The following RBFOX1 variants were observed in gnomAD, a reference collection of about 807,000 sequenced individuals.
RBFOX1 encodes the protein RNA binding protein fox-1 homolog 1.
In RBFOX1, 8 loss-of-function variants were observed where a neutral mutation model predicts 57.7. The observed-to-expected ratio is 0.14, with a 90% confidence interval of 0.08 to 0.25. RBFOX1 has a LOEUF of 0.25. RBFOX1 is among the 10% of genes least tolerant of loss of function. The probability of loss-of-function intolerance (pLI) is 1.00; values close to 1 mark genes in which losing one functional copy is unlikely to be tolerated. For synonymous variants in RBFOX1, 326 were observed against 222.4 expected (o/e 1.47, Z -4.15); for missense variants, 611 against 548.5 (o/e 1.11, Z -1.14).
rs2152958287 is a variant in RBFOX1, at chr16:7,597,393, T to C, written c.584T>C (p.Val195Ala). The change falls in exon 9 of 16, where the codon GTA (valine) becomes GCA (alanine). Residue 195 changes from valine to alanine, a missense_variant. Around this residue, in one of 3 missense-constraint regions of RBFOX1, gnomAD observed 99 missense variants for 160.3 expected, o/e 0.62. Transcript: ENST00000550418. Reference protein sequence around the residue: ...KIEVNNATARVMTNKKTVNPY... With the variant: ...KIEVNNATARAMTNKKTVNPY... ...TAGGTAAATAATGCCACAGCACGTG[T>C]AATGACAAATAAAAAGACCGTCAAC... 3 of 1,611,478 alleles carry C rather than the reference T, an allele frequency of 1.9e-6. No individual in the cohort carries two copies. The highest frequency in any genetic ancestry group is 2.5e-6 in the Non-Finnish European group (3 of 1,178,582).
intron 4 of RBFOX1, among the ~76,000 whole-genome samples, chr16:7,237,775 G>A (rs1456791285): frequency 2.0e-5 from 3 of 152,216 alleles, no homozygotes; most frequent in Admixed American, 1.3e-4. Flanking sequence ...GGAGGGTGAG[G>A]CGGACAGATC....
chr16:5,681,913 A>G (rs756426698), intron 3 of RBFOX1, among the ~76,000 whole-genome samples: 1 of 152,176 alleles, frequency 6.6e-6, no homozygotes, highest in Non-Finnish European at 1.5e-5. Flanking sequence ...TGGAAGGAGT[A>G]GAATCTTGAA....
At chr16:7,365,371 C>A (rs1485354187) in intron 4 of RBFOX1, among the ~76,000 whole-genome samples, 1 of 152,130 alleles carries the variant, frequency 6.6e-6, no homozygotes, top group Non-Finnish European at 1.5e-5. Flanking sequence ...TAGTCTCAGT[C>A]CATCCACCAA....
chr16:6,988,227 AT>A (rs1021673730), intron 3 of RBFOX1, among the ~76,000 whole-genome samples: 1 of 152,196 alleles, frequency 6.6e-6, no homozygotes, highest in African/African-American at 2.4e-5. Flanking sequence ...ACAAATTTGC[AT>A]TTTCCTGCTG....
intron 14 of RBFOX1, among the ~76,000 whole-genome samples, chr16:7,701,544 T>G (rs2080735111): frequency 6.6e-6 from 1 of 152,162 alleles, no homozygotes; most frequent in African/African-American, 2.4e-5. Flanking sequence ...CCCTGGTCTG[T>G]GGAAAAACTG....
chr16:5,603,688 A>C (rs1383617881), downstream of RBFOX1, among the ~76,000 whole-genome samples: 1 of 152,154 alleles, frequency 6.6e-6, no homozygotes, highest in East Asian at 1.9e-4. Context: ...AGATGAAGTG[A>C]TTGTGTTGAG....
chr16:6,496,532 A>T (rs1225617779), intron 2 of RBFOX1, among the ~76,000 whole-genome samples: 1 of 152,188 alleles, frequency 6.6e-6, no homozygotes, highest in Non-Finnish European at 1.5e-5. Context: ...ACTTGAACGT[A>T]TCAGTTTAGG....
intron 2 of RBFOX1, among the ~76,000 whole-genome samples, chr16:6,394,929 T>A (rs552873409): frequency 1.1e-4 from 17 of 152,196 alleles, no homozygotes; most frequent in Non-Finnish European, 2.1e-4. Context: ...TAAAACCACT[T>A]TTGCTCTTGT....
At chr16:5,508,728 G>C (rs2043468437) in intron 2 of RBFOX1, among the ~76,000 whole-genome samples, 1 of 152,172 alleles carries the variant, frequency 6.6e-6, no homozygotes, top group African/African-American at 2.4e-5. Flanking sequence ...TGGGGCGGGG[G>C]AGATTGCACA....
At chr16:5,636,762 C>T (rs1464496213) in intron 3 of RBFOX1, among the ~76,000 whole-genome samples, 1 of 152,216 alleles carries the variant, frequency 6.6e-6, no homozygotes, top group East Asian at 1.9e-4. Flanking sequence ...CCTTCCAGAG[C>T]TATTCTTGCT....
intron 3 of RBFOX1, among the ~76,000 whole-genome samples, chr16:6,776,254 A>G (rs2079318379): frequency 6.6e-6 from 1 of 151,942 alleles, no homozygotes; most frequent in East Asian, 1.9e-4. Flanking sequence ...TACTAAAAAT[A>G]CAAAAAATTA....
chr16:6,793,055 A>G (rs1005745506), intron 3 of RBFOX1, among the ~76,000 whole-genome samples: 2 of 151,980 alleles, frequency 1.3e-5, no homozygotes, highest in Non-Finnish European at 2.9e-5. Context: ...AGAAGCGATA[A>G]TGCTGTACAT....
chr16:6,500,477 C>T (rs538416816), intron 2 of RBFOX1, among the ~76,000 whole-genome samples: 2 of 152,198 alleles, frequency 1.3e-5, no homozygotes, highest in South Asian at 2.1e-4. Context: ...AGTACTTGGC[C>T]AAGGGTGAGA....
chr16:6,094,589 G>C (rs1448922367), intron 1 of RBFOX1, among the ~76,000 whole-genome samples: 1 of 152,158 alleles, frequency 6.6e-6, no homozygotes, highest in Non-Finnish European at 1.5e-5. Context: ...GAAGCAGGTA[G>C]GTCATAGATA....
At chr16:6,825,926 C>T (rs1356794148) in intron 3 of RBFOX1, among the ~76,000 whole-genome samples, 1 of 152,152 alleles carries the variant, frequency 6.6e-6, no homozygotes, top group Non-Finnish European at 1.5e-5. Context: ...AAATTCAAAT[C>T]CTGGTTGTAC....
chr16:6,901,498 C>G (rs2068486049), intron 3 of RBFOX1, among the ~76,000 whole-genome samples: 1 of 152,120 alleles, frequency 6.6e-6, no homozygotes, highest in Non-Finnish European at 1.5e-5. Flanking sequence ...TGACTCTCGA[C>G]CTGGAATGAC....
chr16:6,909,942 C>A (rs1366220947), intron 3 of RBFOX1, among the ~76,000 whole-genome samples: 7 of 152,026 alleles, frequency 4.6e-5, no homozygotes, highest in Non-Finnish European at 1.5e-5. Context: ...TAGCAAACTT[C>A]ATGAGCCATT....
chr16:7,467,655 C>G (rs1599154474), intron 4 of RBFOX1, among the ~76,000 whole-genome samples: 1 of 152,170 alleles, frequency 6.6e-6, no homozygotes, highest in African/African-American at 2.4e-5. Context: ...GCTAGGGTGT[C>G]TGAGGATTAA....
At chr16:7,051,977 A>G (rs1030776646) in intron 3 of RBFOX1, 80 bp from the exon 4 acceptor site, 1 of 1,556,744 alleles carries the variant, frequency 6.4e-7, no homozygotes, top group African/African-American at 1.4e-5. Flanking sequence ...TGAGTAATTA[A>G]AAGTAACTTT....
Sources: gnomAD v4.1 joint callset for allele counts (sites outside exome capture counted in the v4.1 genomes callset) on GRCh38, gnomAD v4.1.1 for gene constraint, gnomAD v4.1.1 regional missense constraint, MANE v1.5 for transcripts, NCBI Gene and HGNC (gene_info 2026-07-23, HGNC 2026-07-21) for gene names.